Variants in BICC1 observed in about 807,000 individuals in gnomAD.
BICC1 encodes the protein BicC family RNA binding protein 1.
In BICC1, 43 loss-of-function variants were observed where a neutral mutation model predicts 111.0. The observed-to-expected ratio is 0.39, with a 90% CI of 0.30 to 0.50. The LOEUF is 0.50. BICC1 is among the 20% of genes least tolerant of loss of function. BICC1 has a pLI of 0.88. For synonymous variants in BICC1, 467 were observed against 434.4 expected (o/e 1.07, Z -0.93); for missense variants, 1,091 against 1,203.2 (o/e 0.91, Z 1.38).
At chr10:58,561,446 A>T (rs935900955) in intron 1 of BICC1, among the ~76,000 whole-genome samples, 5 of 152,004 alleles carry the variant, frequency 3.3e-5, no homozygotes, top group African/African-American at 1.2e-4. Context: ...TTTATAGGTG[A>T]AATGAGTTTC....
rs1461907438 is a variant in BICC1 at position 58,793,532 on chromosome 10, G to T, written c.1096G>T (p.Val366Leu). The T allele has an allele frequency of 2.5e-6, 4 of 1,613,180 alleles. No homozygotes were observed. Among genetic ancestry groups the T allele is most frequent in the Admixed American group, 1.7e-5 (1 of 59,952 alleles). The stretch of plus-strand genomic sequence containing the variant: ...GTTTGATATGAAGGAAGAAATTGAA[G>T]TAGATCCACAATTCATTGCGCAGTT... ...LMFDMKEEIE[V>L]DPQFIAQLME... Residue 366 changes from valine (V) to leucine (L), a missense_variant, in exon 9 of 21, where the codon GTA becomes TTA. Physicochemically the swap from Val to Leu is conservative, Grantham distance 32 (BLOSUM62 1). Coordinates refer to ENST00000373886, the MANE Select transcript of BICC1 (RefSeq NM_001080512.3).
At chr10:58,708,101 C>T (rs1360715151) in intron 3 of BICC1, among the ~76,000 whole-genome samples, 1 of 149,252 alleles carries the variant, frequency 6.7e-6, no homozygotes, top group Non-Finnish European at 1.5e-5. Flanking sequence ...GCCATGGCCT[C>T]CCAAAGTGCT....
chr10:58,521,874 A>G (rs1181520527), intron 1 of BICC1, among the ~76,000 whole-genome samples: 1 of 139,208 alleles, frequency 7.2e-6, no homozygotes, highest in Non-Finnish European at 1.5e-5. Flanking sequence ...TGTTGGCAGG[A>G]TTGGCATTTT....
chr10:58,723,583 G>A (rs1455286652), intron 3 of BICC1, among the ~76,000 whole-genome samples: 1 of 152,150 alleles, frequency 6.6e-6, no homozygotes, highest in African/African-American at 2.4e-5. Context: ...ATTTTGGAGT[G>A]TTTGATAAAA....
Position 58,781,732 on chromosome 10 carries a change from A to AACATGT in BICC1, c.308-3268_308-3267insCATGTA, listed in dbSNP as rs1589132725. The stretch of plus-strand genomic sequence containing the variant: ...TATTACACAGACATGTTTGAATTGT[A>AACATGT]AACTGTTAACAGTCATTGAAAAACA... On this transcript the variant is annotated intron_variant, in intron 3 of 20. Coordinates refer to ENST00000373886, the MANE Select transcript of BICC1 (RefSeq NM_001080512.3). 2.0e-5 allele frequency among the ~76,000 whole-genome samples: 3 copies of AACATGT among 152,222 alleles called. No homozygotes were observed. The East Asian group carries it at 5.8e-4, about 29-fold the overall frequency.
chr10:58,662,254 A>G (rs1838868098), intron 2 of BICC1, among the ~76,000 whole-genome samples: 1 of 152,234 alleles, frequency 6.6e-6, no homozygotes, highest in African/African-American at 2.4e-5. Flanking sequence ...TGGCCTTTAA[A>G]AAATTAGAAT....
At chr10:58,664,337 T>G (rs1838941021) in intron 2 of BICC1, among the ~76,000 whole-genome samples, 1 of 152,224 alleles carries the variant, frequency 6.6e-6, no homozygotes, top group Non-Finnish European at 1.5e-5. Flanking sequence ...TTTAATGTGC[T>G]TAATCATTGT....
At chr10:58,713,808 A>AAATGTTCAAG (rs1245639429) in intron 3 of BICC1, among the ~76,000 whole-genome samples, 1 of 152,228 alleles carries the variant, frequency 6.6e-6, no homozygotes, top group African/African-American at 2.4e-5. Context: ...TGTCTTTTAA[A>AAATGTTCAAG]AATGTTCAGC....
intron 3 of BICC1, among the ~76,000 whole-genome samples, chr10:58,738,299 C>T (rs1281073566): frequency 6.6e-6 from 1 of 151,360 alleles, no homozygotes; most frequent in Non-Finnish European, 1.5e-5. Context: ...TTTCAGCTTT[C>T]TCCATAAGGC....
chr10:58,803,257 A>G lies in BICC1; in HGVS notation c.2181+15A>G, dbSNP rs770291992. The G allele has an allele frequency of 1.3e-6, 2 of 1,569,194 alleles. No homozygotes were observed. Among genetic ancestry groups the G allele is most frequent in the South Asian group, 1.2e-5 (1 of 83,178 alleles). Reference sequence around the variant, plus strand: ...TCAACATGCAGGTAATGGTAATAAAATAGGAAAGCCACTCAAATGTCATAT... The same window carrying G: ...TCAACATGCAGGTAATGGTAATAAAGTAGGAAAGCCACTCAAATGTCATAT... On this transcript the variant is annotated intron_variant, in intron 15 of 20. Transcript: ENST00000373886.
At position 58,800,925 on chromosome 10, in the gene BICC1, C is replaced by T; in HGVS notation, c.1894C>T (p.Arg632Ter). 1 of 1,608,932 alleles carries T rather than the reference C, an allele frequency of 6.2e-7. No individual in the cohort carries two copies. Among genetic ancestry groups the T allele is most frequent in the Non-Finnish European group, 8.5e-7 (1 of 1,177,716 alleles). Residue 632 changes from arginine (R) to a stop codon, truncating the protein, a stop_gained, in exon 14 of 21, where the codon CGA becomes TGA. Transcript: ENST00000373886. LOFTEE classifies it high-confidence loss of function. ...TGCTTTTGTTGAAGTAGGCATGCCT[C>T]GAAGTCCTTCCCATTCTGGGAATGC... Reference protein sequence around the residue: ...NDAFVEVGMPRSPSHSGNAGD... With the variant: ...NDAFVEVGMP
At chr10:58,560,129 T>A (rs900266333) in intron 1 of BICC1, among the ~76,000 whole-genome samples, 1 of 152,052 alleles carries the variant, frequency 6.6e-6, no homozygotes, top group Non-Finnish European at 1.5e-5. Flanking sequence ...TGGAGTGATT[T>A]GAGAAGAATA....
At chr10:58,684,084 A>G (rs1036510567) in intron 2 of BICC1, among the ~76,000 whole-genome samples, 1 of 152,166 alleles carries the variant, frequency 6.6e-6, no homozygotes, top group African/African-American at 2.4e-5. Context: ...TTTAGCATGA[A>G]GCGCTGTTGA....
chr10:58,665,726 T>C (rs1838988159), intron 2 of BICC1, among the ~76,000 whole-genome samples: 1 of 152,214 alleles, frequency 6.6e-6, no homozygotes, highest in South Asian at 2.1e-4. Flanking sequence ...AAATTTATTT[T>C]CTATTCTTTA....
intron 2 of BICC1, among the ~76,000 whole-genome samples, chr10:58,678,046 T>A (rs941678752): frequency 6.6e-6 from 1 of 152,166 alleles, no homozygotes; most frequent in Non-Finnish European, 1.5e-5. Flanking sequence ...AAGGAAGCAC[T>A]AAATATGGAA....
chr10:58,532,950 A>G (rs755015424), intron 1 of BICC1, among the ~76,000 whole-genome samples: 1 of 151,908 alleles, frequency 6.6e-6, no homozygotes, highest in Non-Finnish European at 1.5e-5. Flanking sequence ...CAAGAGGGGC[A>G]CATGGTGAAG....
intron 1 of BICC1, among the ~76,000 whole-genome samples, chr10:58,588,686 T>C (rs536368877): frequency 3.9e-5 from 6 of 152,326 alleles, no homozygotes; most frequent in East Asian, 1.9e-4. Context: ...GTGCACACGA[T>C]GTCACAGGTA....
intron 3 of BICC1, among the ~76,000 whole-genome samples, chr10:58,759,296 C>CA (rs1267923852): frequency 6.6e-6 from 1 of 151,718 alleles, no homozygotes; most frequent in Non-Finnish European, 1.5e-5. Context: ...GCAATATAAG[C>CA]AAAAATGATT....
chr10:58,523,810 G>A (rs7392561), intron 1 of BICC1, among the ~76,000 whole-genome samples: 69,872 of 151,890 alleles, frequency 0.46, 17,138 homozygotes, highest in Admixed American at 0.62. Context: ...AAACCCCATC[G>A]TCTCAGCCCA....
Sources: allele counts gnomAD v4.1 joint callset (sites outside exome capture counted in the v4.1 genomes callset), GRCh38; gene constraint gnomAD v4.1.1; transcripts MANE v1.5; gene names NCBI Gene and HGNC (gene_info 2026-07-23, HGNC 2026-07-21).